Variants in VPS18 observed in about 807,000 individuals in gnomAD.
VPS18 encodes vacuolar protein sorting-associated protein 18 homolog.
A neutral mutation model predicts 82.0 loss-of-function variants in VPS18; 25 were observed. The observed-to-expected ratio is 0.30, with a 90% CI of 0.22 to 0.43. The LOEUF is 0.43. Among genes scored for constraint, VPS18 ranks in the 20% least tolerant of loss-of-function variants. VPS18 has a pLI of 1.00. For synonymous variants in VPS18, 523 were observed against 543.0 expected, an observed-to-expected ratio of 0.96 and a Z score of 0.51; for missense variants, 1,168 against 1,311.1, an observed-to-expected ratio of 0.89 and a Z score of 1.69.
Position 40,894,701 on chromosome 15 carries a change from G to T in VPS18, c.-68G>T. 1 of 1,456,648 alleles carries T rather than the reference G, an allele frequency of 6.9e-7. No individual in the cohort carries two copies. The highest frequency in any genetic ancestry group is 9.2e-7 in the Non-Finnish European group (1 of 1,092,676). The allele number at this position is 1,456,648 out of a possible 1,614,324, so 90.2% of individuals were successfully genotyped here. The stretch of plus-strand genomic sequence containing the variant: ...TTACAGCTTCCATTCTGGGGCGACG[G>T]GGACCCCGGGGGGGTAGCCCTTTTG... On this transcript the variant is annotated 5_prime_UTR_variant, in exon 1 of 5. Transcript: ENST00000220509.
Position 40,902,545 on chromosome 15 carries a change from ATC to A in VPS18, c.2197-62_2197-61del. ...CCTGCCTCGGGGCCTCTCCTCGGCC[ATC>A]TCTCTCTCCCATAGTCTCCATGTTG... On this transcript the variant is annotated intron_variant, in intron 4 of 4. Coordinates refer to ENST00000220509, the MANE Select transcript of VPS18 (RefSeq NM_020857.3). This position sits in a 1 kb window ranked among gnomAD's most constrained non-coding sequence, Gnocchi z 4.2. 3 of 1,528,886 alleles carry A rather than the reference ATC, an allele frequency of 2.0e-6. No individual in the cohort carries two copies. The highest frequency in any genetic ancestry group is 2.3e-5 in the East Asian group (1 of 44,024). 94.7% of individuals were successfully genotyped at this position (1,528,886 alleles called of 1,614,324 possible). A position where few individuals can be genotyped will look rare whatever the true frequency, so the allele number is the denominator to read the frequency against.
At position 40,900,846 on chromosome 15, in the gene VPS18, G is replaced by A. The variant is rs765867213; in HGVS notation, c.2028G>A (p.Pro676=). The A allele has an allele frequency of 2.9e-5, 46 of 1,614,026 alleles. 1 individual carries two copies. The East Asian group carries it at 5.3e-4, about 19-fold the overall frequency. The part of the protein sequence containing the change: ...YLLSLYARGR[P]DSLLAYLEQA... ...TGTCACTGTATGCCCGTGGCCGGCC[G>A]GACTCACTACTGGCCTATCTGGAGC... Residue 676 remains proline, a synonymous_variant, in exon 4 of 5, where the codon CCG becomes CCA. Transcript: ENST00000220509. This position sits in a 1 kb window ranked among gnomAD's most constrained non-coding sequence, Gnocchi z 5.4.
chr15:40,899,235 G>A lies in VPS18; in HGVS notation c.417G>A (p.Gly139=), dbSNP rs774721718. The change falls in exon 4 of 5, where the codon GGG becomes GGA. Residue 139 remains glycine, a synonymous_variant. Coordinates refer to ENST00000220509, the MANE Select transcript of VPS18 (RefSeq NM_020857.3). This position sits in a 1 kb window ranked among gnomAD's most constrained non-coding sequence, Gnocchi z 4.4. ...TACGGCCACTAGCACGCTGGAAGGG[G>A]CAGCTGGTGGAGAGTGTGGGTTGGA... ...QKVRPLARWK[G]QLVESVGWNK... is the part of the protein sequence containing the mutation. 4 of 1,614,246 alleles carry A rather than the reference G, an allele frequency of 2.5e-6. No homozygotes were observed. The highest frequency in any genetic ancestry group is 1.1e-5 in the South Asian group (1 of 91,090).
Position 40,900,790 on chromosome 15 carries a change from G to A in VPS18, c.1972G>A (p.Glu658Lys), listed in dbSNP as rs1312351105. The A allele has an allele frequency of 8.1e-6, 13 of 1,614,220 alleles. No homozygotes were observed. Among genetic ancestry groups the A allele is most frequent in the Non-Finnish European group, 1.1e-5 (13 of 1,180,046 alleles). Residue 658 changes from glutamate to lysine, a missense_variant, in exon 4 of 5, where the codon GAG becomes AAG. Physicochemically the swap from Glu to Lys is moderately conservative, Grantham distance 56 (BLOSUM62 1). Coordinates refer to ENST00000220509, the MANE Select transcript of VPS18 (RefSeq NM_020857.3). The surrounding 1 kb of genome is among the most constrained non-coding windows in gnomAD (Gnocchi z 5.4). ...GGAGTTCTGCGTGAACGTGCTGGGGGAGACTGAGCAGGCCATCCACAACTA... is the reference window on the plus strand; with the variant it reads ...GGAGTTCTGCGTGAACGTGCTGGGGAAGACTGAGCAGGCCATCCACAACTA... ...YMEFCVNVLG[E>K]TEQAIHNYLL...
In VPS18 at chr15:40,899,551, T is replaced by C. The variant is rs1296380097; in HGVS notation, c.733T>C (p.Ser245Pro). 1.1e-5 allele frequency: 18 copies of C among 1,608,892 alleles called. No homozygotes were observed. The highest frequency in any genetic ancestry group is 1.4e-5 in the Non-Finnish European group (17 of 1,180,012). The change falls in exon 4 of 5, where the codon TCA becomes CCA. Residue 245 changes from serine (S) to proline (P), a missense_variant. Physicochemically the swap from Ser to Pro is moderately conservative, Grantham distance 74. Around this residue, in one of 3 missense-constraint regions of VPS18, gnomAD observed 868 missense variants for 939.8 expected, o/e 0.92. Coordinates refer to ENST00000220509, the MANE Select transcript of VPS18 (RefSeq NM_020857.3). The surrounding 1 kb of genome is among the most constrained non-coding windows in gnomAD (Gnocchi z 4.4). Reference protein sequence around the residue: ...AAEGAEAQGFSGLFAAYTDHP... With the variant: ...AAEGAEAQGFPGLFAAYTDHP... ...AGAGGGGGCTGAGGCCCAGGGTTTC[T>C]CAGGGCTCTTTGCAGCTTACACGGA...
In VPS18 at chr15:40,903,525, A is replaced by C; in HGVS notation, c.*184A>C. On this transcript the variant is annotated 3_prime_UTR_variant, in exon 5 of 5. Transcript: ENST00000220509. ...TGTGAGTGTATTCTGCCAGCTTTTC[A>C]TGCTGTTCTTCAGAGCTGCAGTTAT... 1.3e-6 allele frequency: 1 copy of C among 785,434 alleles called. No homozygotes were observed. Among genetic ancestry groups the C allele is most frequent in the Non-Finnish European group, 1.8e-6 (1 of 545,390 alleles). 48.7% of individuals were successfully genotyped at this position (785,434 alleles called of 1,614,324 possible). A position where few individuals can be genotyped will look rare whatever the true frequency, so the allele number is the denominator to read the frequency against.
At chr15:40,895,747 GA>G (rs1566867937) in intron 1 of VPS18, among the ~76,000 whole-genome samples, 190 bp from the exon 2 acceptor site, 1 of 152,152 alleles carries the variant, frequency 6.6e-6, no homozygotes, top group African/African-American at 2.4e-5. Flanking sequence ...TCAGAGTGTG[GA>G]AAGAGCTCCA....
At chr15:40,896,171 T>C in intron 2 of VPS18, 92 bp downstream of exon 2, 1 of 1,540,464 alleles carries the variant, frequency 6.5e-7, no homozygotes, top group Non-Finnish European at 8.8e-7. Flanking sequence ...TCCAGGCAAG[T>C]AAAGCAGTGA....
In VPS18 at chr15:40,903,281, T is replaced by G. The variant is rs751503563; in HGVS notation, c.2862T>G (p.Ser954=). 4 of 1,578,626 alleles carry G rather than the reference T, an allele frequency of 2.5e-6. No individual in the cohort carries two copies. In the South Asian group the frequency reaches 4.6e-5, roughly 18 times the overall value. ...ACTGTGGGGAGCTGATGATCCGCTCTATCGACCGGCCGTTCATCGACCCCC... is the reference window on the plus strand; with the variant it reads ...ACTGTGGGGAGCTGATGATCCGCTCGATCGACCGGCCGTTCATCGACCCCC... ...CVYCGELMIR[S]IDRPFIDPQR... The change falls in exon 5 of 5, where the codon TCT becomes TCG. Residue 954 remains serine (S), a synonymous_variant. Transcript: ENST00000220509.
chr15:40,898,976 C>A lies in VPS18; in HGVS notation c.303C>A (p.His101Gln), dbSNP rs757206323. 12 of 1,613,954 alleles carry A rather than the reference C, an allele frequency of 7.4e-6. No homozygotes were observed. The highest frequency in any genetic ancestry group is 9.3e-6 in the Non-Finnish European group (11 of 1,180,018). ...GACGTAAGGATGACGCAAAAGTTCA[C>A]AAGATGTTCCTTGACCATACTGGTA... ...ELGRKDDAKV[H>Q]KMFLDHTGSH... Residue 101 changes from histidine to glutamine, a missense_variant, in exon 3 of 5, where the codon CAC (histidine) becomes CAA (glutamine). His to Gln is a conservative substitution (Grantham distance 24). Transcript: ENST00000220509.
Position 40,894,542 on chromosome 15 carries a change from G to T in VPS18, c.-227G>T, listed in dbSNP as rs1892194265. On this transcript the variant is annotated 5_prime_UTR_variant, in exon 1 of 5. Transcript: ENST00000220509. Reference sequence around the variant, plus strand: ...TTGTAGCGGGGGCGGGGAGTAAGGTGCAAGACTGCGCCAGATTCAAGGACG... The same window carrying T: ...TTGTAGCGGGGGCGGGGAGTAAGGTTCAAGACTGCGCCAGATTCAAGGACG... 4.2e-6 allele frequency: 2 copies of T among 473,076 alleles called. No individual in the cohort carries two copies. The highest frequency in any genetic ancestry group is 7.5e-6 in the Non-Finnish European group (2 of 266,192). 29.3% of individuals were successfully genotyped at this position (473,076 alleles called of 1,614,324 possible). A position where few individuals can be genotyped will look rare whatever the true frequency, so the allele number is the denominator to read the frequency against.
chr15:40,899,729 C>T lies in VPS18; in HGVS notation c.911C>T (p.Ser304Phe), dbSNP rs755373447. ...GCATTGGACTGTGGGCGCCCTGACT[C>T]TCTGCTGAGCGAGGAGCGAGTCTGG... The part of the protein sequence containing the change: ...YGALDCGRPD[S>F]LLSEERVWEY... Residue 304 changes from serine (S) to phenylalanine (F), a missense_variant, in exon 4 of 5, where the codon TCT (serine) becomes TTT (phenylalanine). Ser to Phe is a radical substitution (Grantham distance 155). Coordinates refer to ENST00000220509, the MANE Select transcript of VPS18 (RefSeq NM_020857.3). The surrounding 1 kb of genome is among the most constrained non-coding windows in gnomAD (Gnocchi z 4.4). 6.2e-7 allele frequency: 1 copy of T among 1,613,972 alleles called. No homozygotes were observed. Among genetic ancestry groups the T allele is most frequent in the Admixed American group, 1.7e-5 (1 of 60,036 alleles).
Position 40,896,017 on chromosome 15 carries a change from T to C in VPS18, c.171T>C (p.Ile57=). 6.2e-7 allele frequency: 1 copy of C among 1,614,184 alleles called. No individual in the cohort carries two copies. Among genetic ancestry groups the C allele is most frequent in the Non-Finnish European group, 8.5e-7 (1 of 1,180,028 alleles). The change falls in exon 2 of 5, where the codon ATT becomes ATC. Residue 57 remains isoleucine (I), a synonymous_variant. Coordinates refer to ENST00000220509, the MANE Select transcript of VPS18 (RefSeq NM_020857.3). ...TTGACTTCACCCCTTCCGAGCGCAT[T>C]ACCAGTCTTGTCGTCTCCAGCAATC... ...QRIDFTPSER[I]TSLVVSSNQL...
chr15:40,895,523 C>T (rs1050363501), intron 1 of VPS18, among the ~76,000 whole-genome samples: 1 of 152,140 alleles, frequency 6.6e-6, no homozygotes, highest in South Asian at 2.1e-4. Context: ...CAACTCTACA[C>T]TGAGGCTCAT....
chr15:40,900,804 C>A lies in VPS18; in HGVS notation c.1986C>A (p.Ala662=). ...CVNVLGETEQ[A]IHNYLLSLYA... The stretch of plus-strand genomic sequence containing the variant: ...ACGTGCTGGGGGAGACTGAGCAGGC[C>A]ATCCACAACTACCTGCTGTCACTGT... The change falls in exon 4 of 5, where the codon GCC becomes GCA. Residue 662 remains alanine (A), a synonymous_variant. Coordinates refer to ENST00000220509, the MANE Select transcript of VPS18 (RefSeq NM_020857.3). This position sits in a 1 kb window ranked among gnomAD's most constrained non-coding sequence, Gnocchi z 5.4. 6.2e-7 allele frequency: 1 copy of A among 1,614,210 alleles called. No homozygotes were observed. Among genetic ancestry groups the A allele is most frequent in the Non-Finnish European group, 8.5e-7 (1 of 1,180,032 alleles).
At position 40,900,217 on chromosome 15, in the gene VPS18, G is replaced by C; in HGVS notation, c.1399G>C (p.Glu467Gln). The change falls in exon 4 of 5, where the codon GAG becomes CAG. Residue 467 changes from glutamate to glutamine, a missense_variant. Transcript: ENST00000220509. The surrounding 1 kb of genome is among the most constrained non-coding windows in gnomAD (Gnocchi z 5.4). Reference sequence around the variant, plus strand: ...CAAGTTCCTGGAGGCCCGACAGGAGGAGGCTCTGGCTGAGTTCCTGCAGCG... The same window carrying C: ...CAAGTTCCTGGAGGCCCGACAGGAGCAGGCTCTGGCTGAGTTCCTGCAGCG... ...ALKFLEARQEEALAEFLQRKL... is the reference protein window; with the variant it reads ...ALKFLEARQEQALAEFLQRKL... The C allele has an allele frequency of 1.2e-6, 2 of 1,613,866 alleles. No individual in the cohort carries two copies. The highest frequency in any genetic ancestry group is 1.7e-6 in the Non-Finnish European group (2 of 1,180,030).
At position 40,899,071 on chromosome 15, in the gene VPS18, G is replaced by T; in HGVS notation, c.325+73G>T. On this transcript the variant is annotated intron_variant, in intron 3 of 4. Coordinates refer to ENST00000220509, the MANE Select transcript of VPS18 (RefSeq NM_020857.3). The surrounding 1 kb of genome is among the most constrained non-coding windows in gnomAD (Gnocchi z 4.4). ...CCTGGGTGGGTGGGCTCTGAGGGTG[G>T]TGTGGGGGCCAGGAGGAGGCTGAGG... The T allele has an allele frequency of 1.9e-6, 3 of 1,606,504 alleles. No individual in the cohort carries two copies. Among genetic ancestry groups the T allele is most frequent in the Non-Finnish European group, 2.6e-6 (3 of 1,174,528 alleles).
Position 40,898,926 on chromosome 15 carries a change from A to G in VPS18, c.253A>G (p.Asn85Asp). The change falls in exon 3 of 5, where the codon AAT (asparagine) becomes GAT (aspartate). Residue 85 changes from asparagine (N) to aspartate (D), a missense_variant. Physicochemically the swap from Asn to Asp is conservative, Grantham distance 23. Transcript: ENST00000220509. The part of the protein sequence containing the change: ...TLLRIDLGKA[N>D]EPNHVELGRK... ...CCACAGCATTGACTTGGGCAAGGCA[A>G]ATGAGCCCAACCACGTGGAGCTGGG... is the stretch of plus-strand genomic sequence containing the variant. 6.2e-7 allele frequency: 1 copy of G among 1,614,150 alleles called. No homozygotes were observed. Among genetic ancestry groups the G allele is most frequent in the Non-Finnish European group, 8.5e-7 (1 of 1,180,002 alleles).
intron 2 of VPS18, among the ~76,000 whole-genome samples, chr15:40,897,359 G>A (rs1358784580): frequency 6.6e-6 from 1 of 151,558 alleles, no homozygotes; most frequent in East Asian, 1.9e-4. Flanking sequence ...AAAAGTTAGA[G>A]CTATATCGAT....
Sources: gnomAD v4.1 joint callset for allele counts (sites outside exome capture counted in the v4.1 genomes callset) on GRCh38, gnomAD v4.1.1 for gene constraint, gnomAD v4.1.1 regional missense constraint, Gnocchi (gnomAD v3.1) non-coding constraint, MANE v1.5 for transcripts, NCBI Gene and HGNC (gene_info 2026-07-23, HGNC 2026-07-21) for gene names.